ACYP2: variants seen among roughly 807,000 people sequenced by gnomAD.
The protein encoded by ACYP2 is acylphosphatase-2.
Under a neutral mutation model 11.2 loss-of-function variants are expected in ACYP2, and 12 were observed. The observed-to-expected ratio is 1.08, with a 90% CI of 0.69 to 1.74. The LOEUF is 1.74. Among genes scored for constraint, ACYP2 ranks in the 40% most tolerant of loss-of-function variants. The pLI is 0.00. For synonymous variants in ACYP2, 43 were observed against 32.2 expected (o/e 1.33, Z -1.13); for missense variants, 134 against 101.9 (o/e 1.31, Z -1.35).
chr2:54,281,520 T>G (rs185490272), intron 6 of ACYP2, among the ~76,000 whole-genome samples: 3 of 152,294 alleles, frequency 2.0e-5, no homozygotes, highest in Admixed American at 6.5e-5. Context: ...CGAGTAAGAC[T>G]TCCCATCTCC....
chr2:54,286,097 A>G (rs959855710), intron 6 of ACYP2, among the ~76,000 whole-genome samples: 4 of 150,180 alleles, frequency 2.7e-5, no homozygotes, highest in Non-Finnish European at 5.9e-5. Context: ...ACTGAACACC[A>G]TAGCTTAGCC....
chr2:54,123,316 C>T (rs1055688712), intron 4 of ACYP2: 1 of 398,472 alleles, frequency 2.5e-6, no homozygotes, highest in Non-Finnish European at 4.4e-6. Context: ...AGGATCTTCA[C>T]TGCAGTTGTT....
Position 54,128,298 on chromosome 2 carries a change from G to A in ACYP2, c.278-7155G>A, listed in dbSNP as rs368749351. 2.6e-3 allele frequency among the ~76,000 whole-genome samples: 395 copies of A among 152,270 alleles called. 1 individual carries two copies. The highest frequency in any genetic ancestry group is 9.0e-3 in the African/African-American group (372 of 41,550). On this transcript the variant is annotated intron_variant, in intron 4 of 6. Coordinates refer to ENST00000607452, the MANE Select transcript of ACYP2 (RefSeq NM_001320586.2). ...GATCAAGAATAGTTCATCATTTAAC[G>A]TGTTTTGTATCACTGGAGGAACCTC...
chr2:54,046,929 G>A (rs1262983678), intron 2 of ACYP2, among the ~76,000 whole-genome samples: 2 of 152,284 alleles, frequency 1.3e-5, no homozygotes, highest in South Asian at 2.1e-4. Context: ...ATAATCTTGG[G>A]CAACTTATTT....
At chr2:54,076,306 T>C (rs1230771572) in intron 4 of ACYP2, among the ~76,000 whole-genome samples, 1 of 152,236 alleles carries the variant, frequency 6.6e-6, no homozygotes, top group African/African-American at 2.4e-5. Context: ...TTAAAATTTA[T>C]ACGGAGAATA....
intron 6 of ACYP2, among the ~76,000 whole-genome samples, chr2:54,250,181 T>C (rs1687153513): frequency 6.6e-6 from 1 of 152,152 alleles, no homozygotes; most frequent in Non-Finnish European, 1.5e-5. Flanking sequence ...CCCTCTACTT[T>C]AAGTATCTTC....
intron 2 of ACYP2, among the ~76,000 whole-genome samples, chr2:54,035,426 T>C (rs1674843942): frequency 6.6e-6 from 1 of 151,874 alleles, no homozygotes; most frequent in African/African-American, 2.4e-5. Context: ...CCGTCATCCC[T>C]GGCTAATTTT....
chr2:54,282,382 G>A (rs1197398516), intron 6 of ACYP2, among the ~76,000 whole-genome samples: 1 of 152,042 alleles, frequency 6.6e-6, no homozygotes, highest in Non-Finnish European at 1.5e-5. Flanking sequence ...CTCCTCTTTT[G>A]TGTCCTCACC....
intron 4 of ACYP2, among the ~76,000 whole-genome samples, chr2:54,091,680 T>C (rs1251119343): frequency 6.6e-6 from 1 of 151,878 alleles, no homozygotes; most frequent in African/African-American, 2.4e-5. Flanking sequence ...CCCGGCTAAT[T>C]TGTGTGTTTT....
chr2:54,257,778 T>C (rs1277947037), intron 6 of ACYP2, among the ~76,000 whole-genome samples: 1 of 152,178 alleles, frequency 6.6e-6, no homozygotes, highest in African/African-American at 2.4e-5. Context: ...TTTTCAAACT[T>C]AGATGAAATA....
intron 6 of ACYP2, among the ~76,000 whole-genome samples, chr2:54,303,885 T>C (rs1216736659): frequency 6.6e-6 from 1 of 152,152 alleles, no homozygotes; most frequent in Non-Finnish European, 1.5e-5. Flanking sequence ...TAATTAGTAA[T>C]AGGTAGAAAG....
intron 4 of ACYP2, among the ~76,000 whole-genome samples, chr2:54,117,149 G>A (rs1296109028): frequency 1.3e-5 from 2 of 152,138 alleles, no homozygotes; most frequent in Non-Finnish European, 2.9e-5. Context: ...AGAACTCATT[G>A]TATTCAACAG....
intron 6 of ACYP2, among the ~76,000 whole-genome samples, chr2:54,293,169 C>T (rs889124060): frequency 1.3e-5 from 2 of 152,154 alleles, no homozygotes; most frequent in African/African-American, 4.8e-5. Flanking sequence ...CCAAGACAAC[C>T]AGGAAGTAGT....
At chr2:54,248,737 C>A (rs2104001443) in intron 6 of ACYP2, among the ~76,000 whole-genome samples, 1 of 152,162 alleles carries the variant, frequency 6.6e-6, no homozygotes, top group South Asian at 2.1e-4. Flanking sequence ...ATCATCTTGG[C>A]CCTTGAAGAA....
intron 5 of ACYP2, 46 bp from the exon 3 acceptor site, chr2:54,138,593 G>A: frequency 6.7e-7 from 1 of 1,483,822 alleles, no homozygotes; most frequent in South Asian, 1.2e-5. Flanking sequence ...TATGAACTCA[G>A]ACTTTTGATG....
At chr2:54,099,099 G>A (rs1481188591) in intron 4 of ACYP2, among the ~76,000 whole-genome samples, 1 of 152,136 alleles carries the variant, frequency 6.6e-6, no homozygotes, top group Non-Finnish European at 1.5e-5. Flanking sequence ...TTTGTGCTTG[G>A]ATGGTTCCCT....
chr2:54,237,142 A>C (rs1686520467), intron 6 of ACYP2, among the ~76,000 whole-genome samples: 1 of 152,178 alleles, frequency 6.6e-6, no homozygotes, highest in Admixed American at 6.5e-5. Context: ...TGCAAATACT[A>C]TTCTGTCTTA....
intron 6 of ACYP2, among the ~76,000 whole-genome samples, chr2:54,251,930 T>C (rs977112860): frequency 2.0e-5 from 3 of 152,230 alleles, no homozygotes; most frequent in Non-Finnish European, 4.4e-5. Context: ...CAGGTGTCAC[T>C]TGACTTTCTG....
At chr2:54,082,886 C>G (rs1677741304) in intron 4 of ACYP2, 1 of 151,804 alleles carries the variant, frequency 6.6e-6, no homozygotes, top group South Asian at 2.1e-4. Context: ...ACCAGCCTGG[C>G]CAAGATGGTG....
Sources: gnomAD v4.1 joint callset for allele counts (sites outside exome capture counted in the v4.1 genomes callset) on GRCh38, gnomAD v4.1.1 for gene constraint, MANE v1.5 for transcripts, NCBI Gene and HGNC (gene_info 2026-07-23, HGNC 2026-07-21) for gene names.